Variants in PTPRS observed in about 807,000 individuals in gnomAD.
The protein encoded by PTPRS is protein tyrosine phosphatase receptor type S.
PTPRS carries 63 observed loss-of-function variants against 215.3 expected under a neutral mutation model. That is an observed-to-expected ratio of 0.29 (90% CI 0.24 to 0.36). The LOEUF is 0.36. PTPRS is among the 10% of genes least tolerant of loss of function. The pLI is 1.00. For synonymous variants in PTPRS, 1,404 were observed against 1,191.4 expected (o/e 1.18, Z -3.68); for missense variants, 2,258 against 2,825.8 (o/e 0.80, Z 4.56).
Position 5,247,268 on chromosome 19 carries a change from C to T in PTPRS, c.719-1223G>A, listed in dbSNP as rs546857575. Among the ~76,000 whole-genome samples the T allele has an allele frequency of 3.1e-4, 47 of 151,900 alleles. 1 individual carries two copies. In the South Asian group the frequency reaches 4.8e-3, roughly 15 times the overall value. On this transcript the variant is annotated intron_variant, in intron 9 of 37. Coordinates refer to ENST00000262963, the MANE Select transcript of PTPRS (RefSeq NM_002850.4). ...AACTTGAACGTTGAGAGAACAGGGA[C>T]ATGTTCTGTGCGTTTCTTAGCGGGG...
At position 5,231,626 on chromosome 19, in the gene PTPRS, G is replaced by T; in HGVS notation, c.1850-11C>A. On this transcript the variant is annotated splice_polypyrimidine_tract_variant and intron_variant, in intron 13 of 37. Coordinates refer to ENST00000262963, the MANE Select transcript of PTPRS (RefSeq NM_002850.4). The stretch of plus-strand genomic sequence containing the variant: ...GGGGGGCTGACGGTTCTATTGGAGG[G>T]GGGGAGAACGTGGGGGGGTGGGGAA... 1 of 128,326 alleles carries T rather than the reference G, an allele frequency of 7.8e-6. No homozygotes were observed. The highest frequency in any genetic ancestry group is 1.4e-5 in the Non-Finnish European group (1 of 69,968). The allele number at this position is 128,326 out of a possible 1,614,324, so 7.9% of individuals were successfully genotyped here.
In PTPRS at chr19:5,208,222, C is replaced by T. The variant is rs942069657; in HGVS notation, c.5642+15G>A. 8 of 1,577,586 alleles carry T rather than the reference C, an allele frequency of 5.1e-6. No homozygotes were observed. The highest frequency in any genetic ancestry group is 1.8e-5 in the Admixed American group (1 of 56,868). On this transcript the variant is annotated intron_variant, in intron 36 of 37. Coordinates refer to ENST00000262963, the MANE Select transcript of PTPRS (RefSeq NM_002850.4). ...CCCAGCAGGGCCAAAAGCTGGGACACTCGAGGGAGCTCACCTGCAGTGGAC... is the reference window on the plus strand; with the variant it reads ...CCCAGCAGGGCCAAAAGCTGGGACATTCGAGGGAGCTCACCTGCAGTGGAC...
At chr19:5,313,745 G>A (rs1048830947) in intron 1 of PTPRS, among the ~76,000 whole-genome samples, 19 of 152,030 alleles carry the variant, frequency 1.2e-4, no homozygotes, top group Non-Finnish European at 2.4e-4. Context: ...CTGCCTCAGC[G>A]GAACCAACCC....
intron 17 of PTPRS, among the ~76,000 whole-genome samples, chr19:5,223,843 T>C (rs1214424110): frequency 6.6e-6 from 1 of 151,370 alleles, no homozygotes; most frequent in Non-Finnish European, 1.5e-5. Flanking sequence ...ATTACAGGTG[T>C]GAGCCACCGT....
rs1471100710 is a variant in PTPRS at position 5,219,847 on chromosome 19, G to A, written c.3765+92C>T. The A allele has an allele frequency of 2.5e-5, 35 of 1,408,786 alleles. 1 individual carries two copies. In the South Asian group the frequency reaches 4.3e-4, roughly 17 times the overall value. The allele number at this position is 1,408,786 out of a possible 1,614,324, so 87.3% of individuals were successfully genotyped here. ...CAGCTCTGACCACAGGGAGCTGCCT[G>A]TGACTGACCACAGAGGTCAGGGCCC... On this transcript the variant is annotated intron_variant, in intron 22 of 37. Transcript: ENST00000262963.
At position 5,327,628 on chromosome 19, in the gene PTPRS, G is replaced by A. The variant is rs891127738; in HGVS notation, c.-95+13036C>T. Among the ~76,000 whole-genome samples the A allele has an allele frequency of 2.0e-5, 3 of 152,098 alleles. No individual in the cohort carries two copies. The East Asian group carries it at 5.8e-4, about 29-fold the overall frequency. On this transcript the variant is annotated intron_variant, in intron 1 of 37. Transcript: ENST00000262963. Reference sequence around the variant, plus strand: ...TCAGTTCTTTTTGTTTTTAGAGACAGGGTCTCGCTCTGTTACCCAGAGTGC... The same window carrying A: ...TCAGTTCTTTTTGTTTTTAGAGACAAGGTCTCGCTCTGTTACCCAGAGTGC...
chr19:5,320,419 G>A (rs567025940), intron 1 of PTPRS, among the ~76,000 whole-genome samples: 17 of 152,288 alleles, frequency 1.1e-4, no homozygotes, highest in Admixed American at 3.3e-4. Context: ...TAAACATCTA[G>A]CAAATAAATG....
Position 5,314,655 on chromosome 19 carries a change from G to A in PTPRS, c.-95+26009C>T, listed in dbSNP as rs529658444. 2.0e-5 allele frequency among the ~76,000 whole-genome samples: 3 copies of A among 151,878 alleles called. No homozygotes were observed. The South Asian group carries it at 6.3e-4, about 32-fold the overall frequency. ...TCCTCCTGCCTTGGCCTCCCAAAGT[G>A]CCTGGGATTACAGGCATGAATCACC... On this transcript the variant is annotated intron_variant, in intron 1 of 37. Coordinates refer to ENST00000262963, the MANE Select transcript of PTPRS (RefSeq NM_002850.4).
At chr19:5,222,464 G>C (rs576629298) in intron 18 of PTPRS, among the ~76,000 whole-genome samples, 32 of 151,454 alleles carry the variant, frequency 2.1e-4, no homozygotes, top group Admixed American at 1.8e-3. Context: ...GGAGGAAGAG[G>C]GGGGAGGGGA....
chr19:5,229,525 G>A lies in PTPRS; in HGVS notation c.2315C>T (p.Pro772Leu), dbSNP rs1481847293. The A allele has an allele frequency of 1.4e-6, 2 of 1,463,162 alleles. No homozygotes were observed. Among genetic ancestry groups the A allele is most frequent in the African/African-American group, 1.5e-5 (1 of 67,342 alleles). The allele number at this position is 1,463,162 out of a possible 1,614,324, so 90.6% of individuals were successfully genotyped here. A position where few individuals can be genotyped will look rare whatever the true frequency, so the allele number is the denominator to read the frequency against. ...GGCCAGCATGACGTCCTTGATGCGC[G>A]GCGGCCCGCGGGCCTCGGCGCCCTC... ...RMEGAEARGP[P>L]RIKDVMLADA... is the part of the protein sequence containing the mutation. Residue 772 changes from proline to leucine, a missense_variant, in exon 15 of 38, where the codon CCG (proline) becomes CTG (leucine). This residue lies in a region of PTPRS where 371 missense variants were observed against 446.7 expected (regional missense o/e 0.83). Coordinates refer to ENST00000262963, the MANE Select transcript of PTPRS (RefSeq NM_002850.4).
At chr19:5,251,825 G>T (rs1319177295) in intron 9 of PTPRS, among the ~76,000 whole-genome samples, 1 of 152,266 alleles carries the variant, frequency 6.6e-6, no homozygotes, top group Non-Finnish European at 1.5e-5. Context: ...TGCCCCTAGG[G>T]TTAAGCCAGC....
At chr19:5,327,399 C>T (rs184401108) in intron 1 of PTPRS, among the ~76,000 whole-genome samples, 5 of 152,276 alleles carry the variant, frequency 3.3e-5, no homozygotes, top group African/African-American at 1.2e-4. Flanking sequence ...ATTTTGCAGA[C>T]GAGAAAACTG....
chr19:5,226,756 T>C (rs2042539078), intron 16 of PTPRS, among the ~76,000 whole-genome samples: 1 of 149,458 alleles, frequency 6.7e-6, no homozygotes, highest in Non-Finnish European at 1.5e-5. Flanking sequence ...CAAAAATAAA[T>C]AAATAAACTG....
chr19:5,336,316 TAG>T (rs905230218), intron 1 of PTPRS, among the ~76,000 whole-genome samples: 2 of 151,186 alleles, frequency 1.3e-5, no homozygotes, highest in African/African-American at 4.9e-5. Context: ...ACCTCAGGGT[TAG>T]AGAGACCCAG....
chr19:5,260,686 G>T, intron 7 of PTPRS, 119 bp downstream of exon 7: 1 of 1,301,582 alleles, frequency 7.7e-7, no homozygotes, highest in Non-Finnish European at 1.1e-6. Context: ...GTGGAACAAA[G>T]GTGGTGGCAG....
chr19:5,303,954 A>AAAAAAAAATAAAAAAAAAAAAAAATAAT, intron 1 of PTPRS, among the ~76,000 whole-genome samples: 1 of 132,252 alleles, frequency 7.6e-6, no homozygotes, highest in Non-Finnish European at 1.6e-5. Flanking sequence ...CTGTCTCAAA[A>AAAAAAAAATAAAAAAAAAAAAAAATAAT]AATAATAATA....
chr19:5,333,129 C>G (rs1600147342), intron 1 of PTPRS, among the ~76,000 whole-genome samples: 1 of 151,376 alleles, frequency 6.6e-6, no homozygotes, highest in South Asian at 2.1e-4. Flanking sequence ...AGCCTGGCGA[C>G]AGAGCAAGAC....
At chr19:5,261,066 G>A (rs1282487896) in intron 6 of PTPRS, among the ~76,000 whole-genome samples, 2 of 152,096 alleles carry the variant, frequency 1.3e-5, no homozygotes, top group Non-Finnish European at 2.9e-5. Context: ...TAGAAGGCGG[G>A]AATCTCTGGG....
intron 1 of PTPRS, among the ~76,000 whole-genome samples, chr19:5,313,218 T>G (rs899082850): frequency 2.0e-5 from 3 of 152,168 alleles, no homozygotes; most frequent in Admixed American, 6.5e-5. Flanking sequence ...TGCCCGGTCC[T>G]GGCCTGGGAT....
Sources: gnomAD v4.1 joint callset for allele counts (sites outside exome capture counted in the v4.1 genomes callset) on GRCh38, gnomAD v4.1.1 for gene constraint, gnomAD v4.1.1 regional missense constraint, MANE v1.5 for transcripts, NCBI Gene and HGNC (gene_info 2026-07-23, HGNC 2026-07-21) for gene names.